The following CCT7 variants were observed in gnomAD, a reference collection of about 807,000 sequenced individuals.
CCT7 encodes the protein T-complex protein 1 subunit eta.
A neutral mutation model predicts 56.6 loss-of-function variants in CCT7; 16 were observed. The observed-to-expected ratio is 0.28, with a 90% CI of 0.19 to 0.43. The LOEUF is 0.43. CCT7 is among the 20% of genes least tolerant of loss of function. CCT7 has a pLI of 1.00. For synonymous variants in CCT7, 262 were observed against 254.8 expected (o/e 1.03, Z -0.27); for missense variants, 519 against 685.6 (o/e 0.76, Z 2.71).
intron 6 of CCT7, among the ~76,000 whole-genome samples, chr2:73,245,643 C>G (rs1010514902): frequency 6.6e-6 from 1 of 152,200 alleles, no homozygotes; most frequent in African/African-American, 2.4e-5. Flanking sequence ...CTCTGGCCTG[C>G]TTTACTTATT....
intron 6 of CCT7, among the ~76,000 whole-genome samples, chr2:73,245,353 A>G (rs937384440): frequency 2.0e-5 from 3 of 152,220 alleles, no homozygotes; most frequent in Non-Finnish European, 4.4e-5. Flanking sequence ...TAGCGTGTGT[A>G]GCTCTTAACT....
Position 73,247,944 on chromosome 2 carries a change from T to C in CCT7, c.783+18T>C. On this transcript the variant is annotated intron_variant, in intron 7 of 11. Transcript: ENST00000258091. ...CAGTTGAGGTAGGTGGGTTCACCAGTTGGTGGGGGCATGGAAATGGGCAGC... is the reference window on the plus strand; with the variant it reads ...CAGTTGAGGTAGGTGGGTTCACCAGCTGGTGGGGGCATGGAAATGGGCAGC... 1 of 1,608,600 alleles carries C rather than the reference T, an allele frequency of 6.2e-7. No homozygotes were observed. The highest frequency in any genetic ancestry group is 8.5e-7 in the Non-Finnish European group (1 of 1,175,230).
Position 73,242,065 on chromosome 2 carries a change from G to T in CCT7, c.268-939G>T, listed in dbSNP as rs72905357. ...CTCCTCATAGTTTTTGAAATATAAA[G>T]AACTTTGGCTGGTCCTAGGACGTTT... On this transcript the variant is annotated intron_variant, in intron 3 of 11. Coordinates refer to ENST00000258091, the MANE Select transcript of CCT7 (RefSeq NM_006429.4). Among the ~76,000 whole-genome samples, 1,188 of 151,168 alleles carry T rather than the reference G, an allele frequency of 7.9e-3. 24 individuals are homozygous for T. Among genetic ancestry groups the T allele is most frequent in the African/African-American group, 0.027 (1,109 of 41,228 alleles).
In CCT7 at chr2:73,234,357, G is replaced by C. The variant is rs778690922; in HGVS notation, c.-22G>C. 1 of 1,613,510 alleles carries C rather than the reference G, an allele frequency of 6.2e-7. No homozygotes were observed. ...TCTCGGAGAAGAGGGGAGAGTGGCG[G>C]GCCGCTGAATAAGCTTCCAAAATGA... is the stretch of plus-strand genomic sequence containing the variant. On this transcript the variant is annotated 5_prime_UTR_variant, in exon 1 of 12. Coordinates refer to ENST00000258091, the MANE Select transcript of CCT7 (RefSeq NM_006429.4).
At chr2:73,235,041 T>TG (rs1686813075) in intron 1 of CCT7, among the ~76,000 whole-genome samples, 1 of 152,222 alleles carries the variant, frequency 6.6e-6, no homozygotes, top group Non-Finnish European at 1.5e-5. Context: ...GAAAGGTAGA[T>TG]GGAGACACTG....
chr2:73,250,540 G>A, intron 10 of CCT7, 102 bp downstream of exon 10: 1 of 1,354,788 alleles, frequency 7.4e-7, no homozygotes, highest in East Asian at 2.3e-5. Flanking sequence ...TATATAACCT[G>A]CCCTTTCCTG....
chr2:73,240,584 A>ATGCT, intron 3 of CCT7, 41 bp downstream of exon 3: 1 of 1,315,134 alleles, frequency 7.6e-7, no homozygotes, highest in Non-Finnish European at 1.1e-6. Context: ...GTTGAAACAC[A>ATGCT]TGCTTGCTTG....
intron 11 of CCT7, among the ~76,000 whole-genome samples, chr2:73,252,124 G>T (rs1687618435): frequency 6.6e-6 from 1 of 151,916 alleles, no homozygotes; most frequent in African/African-American, 2.4e-5. Context: ...TTCTCCATTT[G>T]TTAAATAGAT....
At chr2:73,243,505 C>G (rs1475851350) in intron 4 of CCT7, among the ~76,000 whole-genome samples, 2 of 152,262 alleles carry the variant, frequency 1.3e-5, no homozygotes, top group East Asian at 3.9e-4. Flanking sequence ...TTTAATCTTT[C>G]TAGGCCTTAC....
At position 73,252,964 on chromosome 2, in the gene CCT7, C is replaced by A; in HGVS notation, c.*103C>A. ...AGGAAGGGGTAGTAATTGGCCCACT[C>A]TCTTCTTACTGGAGGCTATTTAAAT... On this transcript the variant is annotated 3_prime_UTR_variant, in exon 12 of 12. Transcript: ENST00000258091. 1.4e-6 allele frequency: 1 copy of A among 714,970 alleles called. No individual in the cohort carries two copies. Among genetic ancestry groups the A allele is most frequent in the Non-Finnish European group, 2.4e-6 (1 of 425,226 alleles). The allele number at this position is 714,970 out of a possible 1,614,324, so 44.3% of individuals were successfully genotyped here. A position where few individuals can be genotyped will look rare whatever the true frequency, so the allele number is the denominator to read the frequency against.
At position 73,244,087 on chromosome 2, in the gene CCT7, A is replaced by G. The variant is rs752128286; in HGVS notation, c.446+38A>G. On this transcript the variant is annotated intron_variant, in intron 5 of 11. Coordinates refer to ENST00000258091, the MANE Select transcript of CCT7 (RefSeq NM_006429.4). ...TGGGTTTTTTTTTTTTTTTTTAAAG[A>G]GACGGAGCCTTGCTGTATTGCCCAG... The G allele has an allele frequency of 2.9e-5, 44 of 1,531,424 alleles. No homozygotes were observed. The African/African-American group carries it at 5.4e-4, about 19-fold the overall frequency. 94.9% of individuals were successfully genotyped at this position (1,531,424 alleles called of 1,614,324 possible).
At position 73,239,792 on chromosome 2, in the gene CCT7, C is replaced by T; in HGVS notation, c.156C>T (p.Gly52=). ...GCATGGACAAGCTTATTGTAGATGG[C>T]AGAGGTAAGTCTACAGAGTTCCTCA... ...PRGMDKLIVD[G]RGKATISNDG... Residue 52 remains glycine, a synonymous_variant, in exon 2 of 12, where the codon GGC becomes GGT. Coordinates refer to ENST00000258091, the MANE Select transcript of CCT7 (RefSeq NM_006429.4). The T allele has an allele frequency of 6.2e-7, 1 of 1,613,738 alleles. No homozygotes were observed.
In CCT7 at chr2:73,247,744, T is replaced by C; in HGVS notation, c.619-18T>C. On this transcript the variant is annotated intron_variant, in intron 6 of 11. Transcript: ENST00000258091. ...ATGTTAGTACCAAACCATTAAAGTG[T>C]TTGTTTTTTTAAAACAGGATTCTCA... The C allele has an allele frequency of 6.2e-7, 1 of 1,611,486 alleles. No homozygotes were observed. The highest frequency in any genetic ancestry group is 8.5e-7 in the Non-Finnish European group (1 of 1,177,842).
intron 1 of CCT7, among the ~76,000 whole-genome samples, chr2:73,234,958 G>T (rs1330352919): frequency 2.0e-5 from 3 of 152,164 alleles, no homozygotes; most frequent in African/African-American, 7.2e-5. Flanking sequence ...AAATAAACGC[G>T]TCTTTAGTGC....
At chr2:73,248,325 C>T (rs1287954119) in intron 7 of CCT7, among the ~76,000 whole-genome samples, 1 of 151,108 alleles carries the variant, frequency 6.6e-6, no homozygotes, top group Non-Finnish European at 1.5e-5. Flanking sequence ...TGTCACCCAC[C>T]TTTGAGCAGT....
chr2:73,250,501 A>G, intron 10 of CCT7, 63 bp downstream of exon 10: 1 of 1,586,354 alleles, frequency 6.3e-7, no homozygotes, highest in Non-Finnish European at 8.6e-7. Flanking sequence ...AGCTGATCAG[A>G]CCTTGGATTT....
intron 3 of CCT7, among the ~76,000 whole-genome samples, chr2:73,240,787 G>A (rs1440247774): frequency 6.6e-6 from 1 of 152,106 alleles, no homozygotes; most frequent in African/African-American, 2.4e-5. Flanking sequence ...TACTGCCTGA[G>A]ATCTTAACAG....
rs755908763 is a variant in CCT7, at chr2:73,244,066, T to G, written c.446+17T>G. The G allele has an allele frequency of 4.1e-4, 115 of 281,168 alleles. No individual in the cohort carries two copies. The highest frequency in any genetic ancestry group is 5.4e-4 in the Non-Finnish European group (97 of 179,926). The allele number at this position is 281,168 out of a possible 1,614,324, so 17.4% of individuals were successfully genotyped here. A position where few individuals can be genotyped will look rare whatever the true frequency, so the allele number is the denominator to read the frequency against. ...AGATAAAGTGTAAGTCTGTAGTGGG[T>G]TTTTTTTTTTTTTTTTAAAGAGACG... On this transcript the variant is annotated intron_variant, in intron 5 of 11. Transcript: ENST00000258091.
chr2:73,235,462 C>A, intron 1 of CCT7: 1 of 715,404 alleles, frequency 1.4e-6, no homozygotes, highest in Non-Finnish European at 1.8e-6. Flanking sequence ...TTTAGGTGTT[C>A]TACCAAATGC....
Sources: gnomAD v4.1 joint callset for allele counts (sites outside exome capture counted in the v4.1 genomes callset) on GRCh38, gnomAD v4.1.1 for gene constraint, MANE v1.5 for transcripts, NCBI Gene and HGNC (gene_info 2026-07-23, HGNC 2026-07-21) for gene names.